The following RBMS3 variants were observed in gnomAD, a reference collection of about 807,000 sequenced individuals.
RBMS3 encodes RNA binding motif single stranded interacting protein 3.
A neutral mutation model predicts 66.8 loss-of-function variants in RBMS3; 27 were observed. That is an observed-to-expected ratio of 0.40 (90% CI 0.30 to 0.56). The LOEUF (loss-of-function observed/expected upper bound fraction) is 0.56. RBMS3 is among the 20% of genes least tolerant of loss of function. The probability of loss-of-function intolerance (pLI) is 0.40; values close to 1 mark genes in which losing one functional copy is unlikely to be tolerated. For missense variants in RBMS3, 513 were observed against 549.5 expected, an observed-to-expected ratio of 0.93 and a Z score of 0.66; for synonymous variants, 188 against 183.0, an observed-to-expected ratio of 1.03 and a Z score of -0.22.
At chr3:29,288,610 G>T in intron 1 of RBMS3, among the ~76,000 whole-genome samples, 1 of 152,010 alleles carries the variant, frequency 6.6e-6, no homozygotes, top group East Asian at 1.9e-4. Flanking sequence ...AGAGCTAAAT[G>T]GTTATGCATG....
chr3:29,827,842 C>A (rs1313590496), intron 6 of RBMS3, among the ~76,000 whole-genome samples: 1 of 151,908 alleles, frequency 6.6e-6, no homozygotes, highest in African/African-American at 2.4e-5. Context: ...TAAAACAGAC[C>A]AAAAAGATGA....
chr3:29,793,919 C>T lies in RBMS3; in HGVS notation c.637+30930C>T, dbSNP rs9832261. On this transcript the variant is annotated intron_variant, in intron 6 of 14. Transcript: ENST00000383767. ...CTCTCTCATGAATCGCTTGGTGCTA[C>T]CCTAACAATAATAAATGAGTTCTCA... Among the ~76,000 whole-genome samples the T allele has an allele frequency of 5.0e-3, 762 of 152,228 alleles. 6 individuals carry two copies. The highest frequency in any genetic ancestry group is 0.018 in the African/African-American group (731 of 41,512).
At chr3:29,690,464 A>T (rs922953120) in intron 4 of RBMS3, among the ~76,000 whole-genome samples, 2 of 152,332 alleles carry the variant, frequency 1.3e-5, no homozygotes, top group South Asian at 2.1e-4. Flanking sequence ...GTATATTTTT[A>T]AATTTTTCTG....
intron 6 of RBMS3, among the ~76,000 whole-genome samples, chr3:29,799,686 G>A (rs2057327160): frequency 6.6e-6 from 1 of 152,058 alleles, no homozygotes; most frequent in African/African-American, 2.4e-5. Flanking sequence ...TACATTTAAA[G>A]TATACACTTC....
At chr3:29,902,314 A>T (rs145158988) in intron 10 of RBMS3, among the ~76,000 whole-genome samples, 12 of 152,048 alleles carry the variant, frequency 7.9e-5, no homozygotes, top group Middle Eastern at 6.8e-3. Context: ...TAATTATATT[A>T]GTAGACTTCT....
intron 1 of RBMS3, among the ~76,000 whole-genome samples, chr3:29,383,651 A>G (rs1448629678): frequency 2.6e-5 from 4 of 152,180 alleles, no homozygotes; most frequent in Admixed American, 2.0e-4. Flanking sequence ...GAACTCTTTT[A>G]GGTCATTCAT....
At chr3:29,295,296 CATATATATCTATATATAT>C (rs1384582819) in intron 1 of RBMS3, among the ~76,000 whole-genome samples, 341 of 4,440 alleles carry the variant, frequency 0.077, 3 homozygotes, top group Non-Finnish European at 0.13. Context: ...TATATATATA[CATATATATCTATATATAT>C]ACATATATAT....
intron 12 of RBMS3, among the ~76,000 whole-genome samples, chr3:29,976,014 A>G (rs552372573): frequency 6.6e-6 from 1 of 151,892 alleles, no homozygotes; most frequent in Non-Finnish European, 1.5e-5. Flanking sequence ...AAGATTTTCT[A>G]ATTTGTAATA....
chr3:30,003,352 A>G lies in RBMS3; in HGVS notation c.1308-504A>G, dbSNP rs114167699. Among the ~76,000 whole-genome samples, 523 of 152,148 alleles carry G rather than the reference A, an allele frequency of 3.4e-3. 1 individual carries two copies. The highest frequency in any genetic ancestry group is 0.011 in the African/African-American group (472 of 41,550). On this transcript the variant is annotated intron_variant, in intron 14 of 14. Coordinates refer to ENST00000383767, the MANE Select transcript of RBMS3 (RefSeq NM_001003793.3). ...ATAGTTCCTGCTCTCACAAATTTAT[A>G]ATCTTGACAGGGGGAATGAACAAGA...
intron 4 of RBMS3, among the ~76,000 whole-genome samples, chr3:29,676,903 T>C (rs1157977025): frequency 1.3e-5 from 2 of 152,264 alleles, no homozygotes; most frequent in East Asian, 3.9e-4. Context: ...GAAGAAATAC[T>C]TGACACTGGG....
At chr3:29,993,350 A>G (rs1699006143) in intron 14 of RBMS3, among the ~76,000 whole-genome samples, 1 of 151,744 alleles carries the variant, frequency 6.6e-6, no homozygotes, top group African/African-American at 2.4e-5. Flanking sequence ...AAAGGAGCAG[A>G]TATTGGCTAT....
At chr3:29,900,781 G>A (rs184875696) in intron 10 of RBMS3, among the ~76,000 whole-genome samples, 1,870 of 151,828 alleles carry the variant, frequency 0.012, 18 homozygotes, top group Admixed American at 0.027. Context: ...TATTATCATT[G>A]TCCTCATTAT....
rs10571760 is a variant in RBMS3, at chr3:29,849,170, ATGTGTGTG to A, written c.638-19656_638-19649del. ...CCACTCCTCCCCCTCCACCAAAGGA[ATGTGTGTG>A]TGTGTGTGTGTGTGTGTGTGTGTGT... On this transcript the variant is annotated intron_variant, in intron 6 of 14. Coordinates refer to ENST00000383767, the MANE Select transcript of RBMS3 (RefSeq NM_001003793.3). Among the ~76,000 whole-genome samples the A allele has an allele frequency of 1.2e-3, 168 of 141,758 alleles. 1 individual carries two copies. The highest frequency in any genetic ancestry group is 3.6e-3 in the African/African-American group (136 of 37,648). 93.0% of individuals were successfully genotyped at this position (141,758 alleles called of 152,430 possible). A position where few individuals can be genotyped will look rare whatever the true frequency, so the allele number is the denominator to read the frequency against.
chr3:29,776,588 A>AT (rs1368541775), intron 6 of RBMS3, among the ~76,000 whole-genome samples: 3 of 151,966 alleles, frequency 2.0e-5, no homozygotes, highest in East Asian at 1.9e-4. Context: ...TAACTGAGAG[A>AT]TTTTCTATAG....
intron 8 of RBMS3, among the ~76,000 whole-genome samples, chr3:29,895,343 A>G (rs2060100976): frequency 6.6e-6 from 1 of 151,466 alleles, no homozygotes; most frequent in Admixed American, 6.6e-5. Flanking sequence ...ATTCTGACAA[A>G]CACATACAAT....
chr3:29,342,547 A>T (rs764458279), intron 1 of RBMS3, among the ~76,000 whole-genome samples: 1 of 152,198 alleles, frequency 6.6e-6, no homozygotes, highest in Non-Finnish European at 1.5e-5. Context: ...CAGTACAATA[A>T]ATAGCTAATT....
intron 1 of RBMS3, among the ~76,000 whole-genome samples, chr3:29,328,185 G>A (rs1013536828): frequency 6.6e-6 from 1 of 152,080 alleles, no homozygotes; most frequent in Non-Finnish European, 1.5e-5. Context: ...TAGTTTACTA[G>A]TACTATAACA....
intron 6 of RBMS3, among the ~76,000 whole-genome samples, chr3:29,818,893 C>T (rs2057995160): frequency 1.3e-5 from 2 of 152,202 alleles, no homozygotes; most frequent in Middle Eastern, 3.4e-3. Flanking sequence ...TTGCCTTTCT[C>T]AAAAGCATGA....
At chr3:29,511,398 C>T (rs563082227) in intron 3 of RBMS3, among the ~76,000 whole-genome samples, 2 of 152,190 alleles carry the variant, frequency 1.3e-5, no homozygotes, top group African/African-American at 4.8e-5. Context: ...TATGAACAGG[C>T]GATAGCATAA....
Sources: gnomAD v4.1 joint callset for allele counts (sites outside exome capture counted in the v4.1 genomes callset) on GRCh38, gnomAD v4.1.1 for gene constraint, MANE v1.5 for transcripts, NCBI Gene and HGNC (gene_info 2026-07-23, HGNC 2026-07-21) for gene names.